COLGALT1: variants seen among roughly 807,000 people sequenced by gnomAD.
The protein encoded by COLGALT1 is procollagen galactosyltransferase 1.
In COLGALT1, 43 loss-of-function variants were observed where a neutral mutation model predicts 60.8. The observed-to-expected ratio is 0.71, with a 90% CI of 0.55 to 0.91. The LOEUF (loss-of-function observed/expected upper bound fraction) is 0.91. Among genes scored for constraint, COLGALT1 ranks in the 40% least tolerant of loss-of-function variants. The pLI is 0.00. For synonymous variants in COLGALT1, 369 were observed against 374.2 expected, an observed-to-expected ratio of 0.99 and a Z score of 0.16; for missense variants, 845 against 880.0, an observed-to-expected ratio of 0.96 and a Z score of 0.50.
At chr19:17,558,104 A>AT (rs1447580835) in intron 1 of COLGALT1, among the ~76,000 whole-genome samples, 6 of 151,118 alleles carry the variant, frequency 4.0e-5, no homozygotes, top group African/African-American at 1.2e-4. Context: ...CACCCAGCTA[A>AT]TTTTTTGTGT....
intron 8 of COLGALT1, 90 bp from the exon 9 acceptor site, chr19:17,577,867 C>G: frequency 2.0e-6 from 3 of 1,513,952 alleles, no homozygotes; most frequent in Non-Finnish European, 2.7e-6. Context: ...ACCAGCTGCT[C>G]AACGCCGCAG....
rs779994127 is a variant in COLGALT1, at chr19:17,577,456, C to G, written c.1122C>G (p.Ala374=). The change falls in exon 8 of 12, where the codon GCC becomes GCG. Residue 374 remains alanine (A), a synonymous_variant. Coordinates refer to ENST00000252599, the MANE Select transcript of COLGALT1 (RefSeq NM_024656.4). The part of the protein sequence containing the change: ...AQEIECRLVE[A]VDGKAMNTSQ... The stretch of plus-strand genomic sequence containing the variant: ...AGATCGAGTGCCGGCTGGTGGAGGC[C>G]GTGGACGGCAAGTGAGTCCGAGGCC... 18 of 901,504 alleles carry G rather than the reference C, an allele frequency of 2.0e-5. No individual in the cohort carries two copies. The South Asian group carries it at 5.4e-4, about 27-fold the overall frequency. 55.8% of individuals were successfully genotyped at this position (901,504 alleles called of 1,614,324 possible).
intron 6 of COLGALT1, among the ~76,000 whole-genome samples, chr19:17,573,812 AC>A (rs1326509405): frequency 6.6e-6 from 1 of 151,508 alleles, no homozygotes; most frequent in Non-Finnish European, 1.5e-5. Context: ...CCTTGTCTTT[AC>A]CAAAAAAAAA....
At chr19:17,567,671 G>T in intron 4 of COLGALT1, 131 bp downstream of exon 4, 1 of 1,029,616 alleles carries the variant, frequency 9.7e-7, no homozygotes, top group Non-Finnish European at 1.4e-6. Context: ...GGGCACGGTG[G>T]CTCACACCTG....
intron 9 of COLGALT1, 103 bp from the exon 10 acceptor site, chr19:17,579,379 G>C (rs2076364297): frequency 6.7e-7 from 1 of 1,498,686 alleles, no homozygotes; most frequent in Non-Finnish European, 9.2e-7. Context: ...AGATGCACTG[G>C]CTTCTCTACG....
intron 5 of COLGALT1, among the ~76,000 whole-genome samples, chr19:17,569,053 A>AC (rs2076296753): frequency 6.6e-6 from 1 of 151,942 alleles, no homozygotes; most frequent in African/African-American, 2.4e-5. Context: ...ACATGGTGAA[A>AC]CCCCATCTCT....
In COLGALT1 at chr19:17,577,430, G is replaced by T; in HGVS notation, c.1096G>T (p.Glu366Ter). ...ERMLRALQAQ[E>*]IECRLVEAVD... ...CATGCTGCGGGCGCTGCAGGCACAGGAGATCGAGTGCCGGCTGGTGGAGGC... is the reference window on the plus strand; with the variant it reads ...CATGCTGCGGGCGCTGCAGGCACAGTAGATCGAGTGCCGGCTGGTGGAGGC... The change falls in exon 8 of 12, where the codon GAG becomes TAG. Residue 366 changes from glutamate to a stop codon, truncating the protein, a stop_gained. Transcript: ENST00000252599. LOFTEE classifies it high-confidence loss of function. 1 of 1,533,426 alleles carries T rather than the reference G, an allele frequency of 6.5e-7. No individual in the cohort carries two copies. 95.0% of individuals were successfully genotyped at this position (1,533,426 alleles called of 1,614,324 possible).
At chr19:17,560,171 G>T (rs184705546) in intron 2 of COLGALT1, among the ~76,000 whole-genome samples, 177 bp from the exon 3 acceptor site, 1 of 152,212 alleles carries the variant, frequency 6.6e-6, no homozygotes, top group East Asian at 1.9e-4. Flanking sequence ...TGTACCTCCG[G>T]CCAGGAACAT....
chr19:17,556,465 G>A (rs2076212335), intron 1 of COLGALT1: 1 of 882,434 alleles, frequency 1.1e-6, no homozygotes, highest in Non-Finnish European at 1.4e-6. Context: ...CTGGCTCCAG[G>A]CCCCAGTCAA....
intron 5 of COLGALT1, among the ~76,000 whole-genome samples, chr19:17,569,925 C>T (rs1191305494): frequency 1.4e-4 from 14 of 102,748 alleles, no homozygotes; most frequent in East Asian, 5.7e-4. Flanking sequence ...GACGGAGTCT[C>T]GCTCTGTCGC....
chr19:17,568,485 G>A (rs765394828), intron 4 of COLGALT1, 24 bp from the exon 5 acceptor site: 27 of 1,602,524 alleles, frequency 1.7e-5, no homozygotes, highest in African/African-American at 2.7e-5. Flanking sequence ...ACCCCTACGC[G>A]GAACTCTCGC....
Position 17,568,264 on chromosome 19 carries a change from T to C in COLGALT1, c.625-245T>C, listed in dbSNP as rs535188316. On this transcript the variant is annotated intron_variant, in intron 4 of 11. Transcript: ENST00000252599. ...CCATCATCCATTCTGATTGGGCCAT[T>C]GCTAGTCTCCTCTCCACACTACCTC... Among the ~76,000 whole-genome samples the C allele has an allele frequency of 2.5e-4, 38 of 152,176 alleles. 1 individual carries two copies. Among genetic ancestry groups the C allele is most frequent in the South Asian group, 1.4e-3 (7 of 4,828 alleles).
intron 3 of COLGALT1, among the ~76,000 whole-genome samples, chr19:17,565,560 C>T (rs911095591): frequency 6.6e-6 from 1 of 151,832 alleles, no homozygotes; most frequent in Admixed American, 6.6e-5. Flanking sequence ...ATCCCAGCTA[C>T]TCAGGAGGCT....
intron 3 of COLGALT1, among the ~76,000 whole-genome samples, chr19:17,567,068 C>T (rs2076283391): frequency 6.6e-6 from 1 of 151,940 alleles, no homozygotes; most frequent in Non-Finnish European, 1.5e-5. Context: ...CGAGCTGAGA[C>T]CATACCACTG....
chr19:17,567,617 C>T, intron 4 of COLGALT1, 77 bp downstream of exon 4: 1 of 1,503,492 alleles, frequency 6.7e-7, no homozygotes, highest in South Asian at 1.2e-5. Flanking sequence ...CTTACTGTCA[C>T]ACAACCTCGT....
rs1568472311 is a variant in COLGALT1, at chr19:17,559,440, C to T, written c.371+19C>T. 1 of 1,531,782 alleles carries T rather than the reference C, an allele frequency of 6.5e-7. No individual in the cohort carries two copies. Among genetic ancestry groups the T allele is most frequent in the African/African-American group, 1.4e-5 (1 of 72,706 alleles). 94.9% of individuals were successfully genotyped at this position (1,531,782 alleles called of 1,614,324 possible). On this transcript the variant is annotated intron_variant, in intron 2 of 11. Transcript: ENST00000252599. ...AGCCCAGGTGAGCATCTTTCCCCTG[C>T]TCCTAGTCTGATTGGGCTTTGCCTC...
chr19:17,568,811 C>T, intron 5 of COLGALT1, 98 bp downstream of exon 5: 1 of 1,219,694 alleles, frequency 8.2e-7, no homozygotes, highest in Non-Finnish European at 1.2e-6. Flanking sequence ...TCACAGAACC[C>T]AAACAATGCA....
chr19:17,578,070 A>G lies in COLGALT1; in HGVS notation c.1247A>G (p.His416Arg), dbSNP rs777547163. 5 of 1,609,608 alleles carry G rather than the reference A, an allele frequency of 3.1e-6. No homozygotes were observed. The South Asian group carries it at 5.5e-5, about 18-fold the overall frequency. ...TKGELGCFLSHYNIWKEVVDR... is the reference protein window; with the variant it reads ...TKGELGCFLSRYNIWKEVVDR... Reference sequence around the variant, plus strand: ...GGTGAGCTGGGCTGCTTCCTGAGCCACTACAACATCTGGAAGGAGGTGTGT... The same window carrying G: ...GGTGAGCTGGGCTGCTTCCTGAGCCGCTACAACATCTGGAAGGAGGTGTGT... Residue 416 changes from histidine to arginine, a missense_variant, in exon 9 of 12, where the codon CAC (histidine) becomes CGC (arginine). Coordinates refer to ENST00000252599, the MANE Select transcript of COLGALT1 (RefSeq NM_024656.4).
At position 17,569,891 on chromosome 19, in the gene COLGALT1, C is replaced by CTTTTTTTT. The variant is rs71162156; in HGVS notation, c.829+1192_829+1199dup. On this transcript the variant is annotated intron_variant, in intron 5 of 11. Transcript: ENST00000252599. ...CAGGCCAAACCTGGCCCACTAATTA[C>CTTTTTTTT]TTTTTTTTTTTTTTTTTTTTTGAGA... Among the ~76,000 whole-genome samples, 486 of 98,712 alleles carry CTTTTTTTT rather than the reference C, an allele frequency of 4.9e-3. 24 individuals carry two copies. The highest frequency in any genetic ancestry group is 9.5e-3 in the Admixed American group (65 of 6,814). 64.8% of individuals were successfully genotyped at this position (98,712 alleles called of 152,430 possible).
Sources: gnomAD v4.1 joint callset for allele counts (sites outside exome capture counted in the v4.1 genomes callset) on GRCh38, gnomAD v4.1.1 for gene constraint, MANE v1.5 for transcripts, NCBI Gene and HGNC (gene_info 2026-07-23, HGNC 2026-07-21) for gene names.